B4GALT1: variants seen among roughly 807,000 people sequenced by gnomAD.
B4GALT1 encodes beta-1,4-galactosyltransferase 1.
In B4GALT1, 16 loss-of-function variants were observed where a neutral mutation model predicts 34.9. That is an observed-to-expected ratio of 0.46 (90% confidence interval 0.31 to 0.70). The LOEUF (loss-of-function observed/expected upper bound fraction) is 0.70, where lower values mean the gene tolerates loss of function less well. Ranked by LOEUF, B4GALT1 falls within the 30% of genes least tolerant of loss-of-function variation. B4GALT1 has a pLI of 0.05. For synonymous variants in B4GALT1, 221 were observed against 218.1 expected (o/e 1.01, Z -0.12); for missense variants, 445 against 530.5 (o/e 0.84, Z 1.58).
chr9:33,136,774 G>C (rs1477728027), intron 1 of B4GALT1, among the ~76,000 whole-genome samples: 7 of 152,328 alleles, frequency 4.6e-5, no homozygotes, highest in African/African-American at 1.4e-4. Flanking sequence ...CTAGAGAACA[G>C]GTAGGAACAC....
chr9:33,124,662 T>C (rs1443398128), intron 2 of B4GALT1, among the ~76,000 whole-genome samples: 1 of 152,162 alleles, frequency 6.6e-6, no homozygotes, highest in Non-Finnish European at 1.5e-5. Flanking sequence ...TGACAACAAA[T>C]GTTGGCTACT....
At chr9:33,107,231 T>C (rs898382377), downstream of B4GALT1, among the ~76,000 whole-genome samples, 16 of 152,208 alleles carry the variant, frequency 1.1e-4, no homozygotes, top group African/African-American at 3.6e-4. Context: ...TTGCCTGCCA[T>C]GACCGGCTCA....
At chr9:33,178,062 G>A in the B4GALT1 span, among the ~76,000 whole-genome samples, 1 of 144,182 alleles carries the variant, frequency 6.9e-6, no homozygotes, top group East Asian at 2.1e-4. Flanking sequence ...TGTGATCTTG[G>A]CTCACTGCAA....
At chr9:33,125,491 G>A (rs1289148208) in intron 2 of B4GALT1, among the ~76,000 whole-genome samples, 1 of 152,186 alleles carries the variant, frequency 6.6e-6, no homozygotes, top group Non-Finnish European at 1.5e-5. Context: ...TGAAGGCAAG[G>A]AGACCAGTTA....
chr9:33,151,218 C>T (rs906336399), intron 1 of B4GALT1, among the ~76,000 whole-genome samples: 1 of 152,216 alleles, frequency 6.6e-6, no homozygotes, highest in African/African-American at 2.4e-5. Context: ...GCTTCCCTTG[C>T]AGTGAATTCA....
At chr9:33,110,031 A>T (rs887249387), downstream of B4GALT1, among the ~76,000 whole-genome samples, 1 of 152,244 alleles carries the variant, frequency 6.6e-6, no homozygotes, top group African/African-American at 2.4e-5. Flanking sequence ...GTCACCAGGG[A>T]TCCCTCCAGC....
chr9:33,109,929 G>T (rs1839834737), downstream of B4GALT1, among the ~76,000 whole-genome samples: 1 of 152,224 alleles, frequency 6.6e-6, no homozygotes, highest in Non-Finnish European at 1.5e-5. Context: ...AATTTTGTCA[G>T]ACCCTCTAAG....
chr9:33,137,278 CCACT>C (rs1433250179), intron 1 of B4GALT1, among the ~76,000 whole-genome samples: 1 of 152,184 alleles, frequency 6.6e-6, no homozygotes, highest in Non-Finnish European at 1.5e-5. Context: ...AATGCCCTTC[CCACT>C]CTCCTCTTAA....
chr9:33,143,618 A>AT (rs1162891564), intron 1 of B4GALT1, among the ~76,000 whole-genome samples: 1 of 152,258 alleles, frequency 6.6e-6, no homozygotes, highest in Non-Finnish European at 1.5e-5. Context: ...AGGAATCTGC[A>AT]TTTTAACAAG....
rs200736577 is a variant in B4GALT1, at chr9:33,152,873, CA to C, written c.412+13884del. 8.5e-4 allele frequency among the ~76,000 whole-genome samples: 127 copies of C among 149,836 alleles called. 2 individuals carry two copies. The East Asian group carries it at 0.023, about 28-fold the overall frequency. ...TGGGGGATGGAGTGAGACTCCACTTCAAAAAAAAAGAAAAAATACTCACATA... is the reference window on the plus strand; with the variant it reads ...TGGGGGATGGAGTGAGACTCCACTTCAAAAAAAAGAAAAAATACTCACATA... On this transcript the variant is annotated intron_variant, in intron 1 of 5. Coordinates refer to ENST00000379731, the MANE Select transcript of B4GALT1 (RefSeq NM_001497.4).
chr9:33,123,915 A>C (rs1840057715), intron 2 of B4GALT1, among the ~76,000 whole-genome samples: 1 of 152,088 alleles, frequency 6.6e-6, no homozygotes, highest in Non-Finnish European at 1.5e-5. Flanking sequence ...CCAGACTTAA[A>C]ATTGGTCAGG....
the B4GALT1 span, among the ~76,000 whole-genome samples, chr9:33,176,959 G>T: frequency 6.6e-6 from 1 of 152,128 alleles, no homozygotes; most frequent in East Asian, 1.9e-4. Flanking sequence ...AGCCACATCC[G>T]TGACCTTAAG....
At position 33,120,465 on chromosome 9, in the gene B4GALT1, A is replaced by G. The variant is rs755251855; in HGVS notation, c.790T>C (p.Ser264Pro). ...GCAACGGAAATGTGCCGTGGCTGTG[A>G]AAAACACCTGTACGCATTATGGTCA... ...MNDHNAYRCF[S>P]QPRHISVAMD... is the part of the protein sequence containing the mutation. The change falls in exon 3 of 6, where the codon TCA becomes CCA. Residue 264 changes from serine to proline, a missense_variant. By Grantham distance (74) the Ser-to-Pro change is moderately conservative. Transcript: ENST00000379731. 21 of 1,613,906 alleles carry G rather than the reference A, an allele frequency of 1.3e-5. No homozygotes were observed. The highest frequency in any genetic ancestry group is 1.7e-5 in the Non-Finnish European group (20 of 1,180,046).
At position 33,135,899 on chromosome 9, in the gene B4GALT1, GTGTGTGTGTGTA is replaced by G. The variant is rs1435283350; in HGVS notation, c.413-487_413-476del. Among the ~76,000 whole-genome samples the G allele has an allele frequency of 1.3e-4, 15 of 114,606 alleles. 1 individual carries two copies. The East Asian group carries it at 1.5e-3, about 12-fold the overall frequency. 75.2% of individuals were successfully genotyped at this position (114,606 alleles called of 152,430 possible). On this transcript the variant is annotated intron_variant, in intron 1 of 5. Coordinates refer to ENST00000379731, the MANE Select transcript of B4GALT1 (RefSeq NM_001497.4). ...CTAGCCTAACTGGGGAAGTGTGTGT[GTGTGTGTGTGTA>G]TGTGTGTGTGTGTGTGTGTGTGTGT...
At chr9:33,180,749 G>A in the B4GALT1 span, among the ~76,000 whole-genome samples, 22,999 of 152,162 alleles carry the variant, frequency 0.15, 2,207 homozygotes, top group Admixed American at 0.24. Context: ...CTGCTAGGTA[G>A]GGGAGGAACG....
intron 2 of B4GALT1, among the ~76,000 whole-genome samples, chr9:33,133,446 G>A (rs116120256): frequency 1.6e-3 from 249 of 152,256 alleles, no homozygotes; most frequent in Middle Eastern, 0.01. Flanking sequence ...CCAGGTGCTC[G>A]CTGCCACTGC....
At chr9:33,117,070 C>T (rs1157466044) in intron 3 of B4GALT1, among the ~76,000 whole-genome samples, 1 of 152,140 alleles carries the variant, frequency 6.6e-6, no homozygotes, top group Non-Finnish European at 1.5e-5. Flanking sequence ...TGCTCTGTTC[C>T]CGCACATGAA....
intron 1 of B4GALT1, among the ~76,000 whole-genome samples, chr9:33,163,605 C>T (rs1288055703): frequency 6.6e-6 from 1 of 152,206 alleles, no homozygotes; most frequent in Non-Finnish European, 1.5e-5. Flanking sequence ...TTCAGACTGG[C>T]AGTGCCACAG....
At chr9:33,172,583 G>A in the B4GALT1 span, among the ~76,000 whole-genome samples, 8 of 152,232 alleles carry the variant, frequency 5.3e-5, no homozygotes, top group South Asian at 2.1e-4. Context: ...GTTAGTCATT[G>A]TTTTCTTTAA....
Sources: gnomAD v4.1 joint callset for allele counts (sites outside exome capture counted in the v4.1 genomes callset) on GRCh38, gnomAD v4.1.1 for gene constraint, MANE v1.5 for transcripts, NCBI Gene and HGNC (gene_info 2026-07-23, HGNC 2026-07-21) for gene names.